Variants in ZNF804B observed in about 807,000 individuals in gnomAD.
ZNF804B encodes zinc finger 804B.
Under a neutral mutation model 101.4 loss-of-function variants are expected in ZNF804B, and 80 were observed. The observed-to-expected ratio is 0.79, with a 90% CI of 0.66 to 0.95. ZNF804B has a LOEUF of 0.95. ZNF804B is among the 40% of genes least tolerant of loss of function. The pLI, the probability that ZNF804B is intolerant of heterozygous loss-of-function variation, is 0.00. For missense variants in ZNF804B, 1,673 were observed against 1,561.9 expected, an observed-to-expected ratio of 1.07 and a Z score of -1.20; for synonymous variants, 622 against 558.8, an observed-to-expected ratio of 1.11 and a Z score of -1.59.
At chr7:88,990,117 C>CTA (rs1793823752) in intron 1 of ZNF804B, among the ~76,000 whole-genome samples, 1 of 151,632 alleles carries the variant, frequency 6.6e-6, no homozygotes, top group South Asian at 2.1e-4. Context: ...TAGGATGATA[C>CTA]TATGTATATA....
At chr7:89,196,259 A>G (rs1397023267) in intron 1 of ZNF804B, among the ~76,000 whole-genome samples, 2 of 151,886 alleles carry the variant, frequency 1.3e-5, no homozygotes, top group East Asian at 3.9e-4. Flanking sequence ...CACACACTTA[A>G]AACCATCTGA....
intron 1 of ZNF804B, among the ~76,000 whole-genome samples, chr7:89,178,492 T>A (rs750410510): frequency 9.9e-5 from 15 of 152,284 alleles, no homozygotes; most frequent in South Asian, 2.1e-4. Flanking sequence ...CATTTTAAAC[T>A]GATGGTGACA....
intron 1 of ZNF804B, among the ~76,000 whole-genome samples, chr7:88,930,988 G>A (rs887976217): frequency 6.6e-6 from 1 of 151,730 alleles, no homozygotes; most frequent in Non-Finnish European, 1.5e-5. Context: ...TCTCTTTTTG[G>A]TCAGTAGCTT....
intron 1 of ZNF804B, among the ~76,000 whole-genome samples, chr7:89,213,189 G>A (rs933644791): frequency 6.6e-6 from 1 of 152,112 alleles, no homozygotes; most frequent in Non-Finnish European, 1.5e-5. Flanking sequence ...TATCCAAGCT[G>A]TTACAGAGAT....
intron 2 of ZNF804B, among the ~76,000 whole-genome samples, chr7:89,278,916 C>A: frequency 6.6e-6 from 1 of 151,988 alleles, no homozygotes; most frequent in Admixed American, 6.6e-5. Context: ...ATGGGGATGG[C>A]ATTGAATCTG....
chr7:88,916,694 G>C (rs1162084760), intron 1 of ZNF804B, among the ~76,000 whole-genome samples: 1 of 151,954 alleles, frequency 6.6e-6, no homozygotes, highest in Non-Finnish European at 1.5e-5. Context: ...CTGTCATATG[G>C]CATTGAAATA....
At chr7:89,159,541 G>C (rs1472799222) in intron 1 of ZNF804B, among the ~76,000 whole-genome samples, 1 of 152,128 alleles carries the variant, frequency 6.6e-6, no homozygotes, top group African/African-American at 2.4e-5. Context: ...GATGGTGAAG[G>C]TAAAGCATGG....
At chr7:89,192,682 T>C (rs2115618594) in intron 1 of ZNF804B, among the ~76,000 whole-genome samples, 1 of 151,962 alleles carries the variant, frequency 6.6e-6, no homozygotes, top group South Asian at 2.1e-4. Context: ...ACACCATACC[T>C]AGCAGGGACA....
intron 1 of ZNF804B, among the ~76,000 whole-genome samples, chr7:89,007,734 A>G (rs2116186099): frequency 6.6e-6 from 1 of 150,502 alleles, no homozygotes. Context: ...AGGCAAAATC[A>G]TGACTCATGA....
chr7:88,835,314 C>T (rs1389230700), intron 1 of ZNF804B, among the ~76,000 whole-genome samples: 1 of 151,698 alleles, frequency 6.6e-6, no homozygotes, highest in Non-Finnish European at 1.5e-5. Context: ...CCTGATTGCC[C>T]CCTTGTGTCG....
chr7:88,931,348 T>C (rs566886811), intron 1 of ZNF804B, among the ~76,000 whole-genome samples: 1 of 152,018 alleles, frequency 6.6e-6, no homozygotes, highest in Admixed American at 6.6e-5. Flanking sequence ...TATGCATCTG[T>C]CTGTAAAATT....
chr7:89,100,168 A>G (rs941952577), intron 1 of ZNF804B, among the ~76,000 whole-genome samples: 4 of 152,202 alleles, frequency 2.6e-5, no homozygotes, highest in African/African-American at 9.6e-5. Flanking sequence ...ATACATCTAC[A>G]GTGAACTCAT....
intron 1 of ZNF804B, among the ~76,000 whole-genome samples, chr7:89,115,832 C>G (rs1790302323): frequency 1.3e-5 from 2 of 151,800 alleles, no homozygotes; most frequent in African/African-American, 2.4e-5. Flanking sequence ...AAGATTTTGC[C>G]TCTTTAAAGT....
At chr7:88,947,763 C>T (rs187220159) in intron 1 of ZNF804B, among the ~76,000 whole-genome samples, 10 of 151,840 alleles carry the variant, frequency 6.6e-5, no homozygotes, top group South Asian at 2.1e-4. Flanking sequence ...ATTCAAAAAT[C>T]CAAAAGAAAT....
intron 1 of ZNF804B, among the ~76,000 whole-genome samples, chr7:88,864,102 T>A (rs1791690012): frequency 6.6e-6 from 1 of 152,216 alleles, no homozygotes; most frequent in African/African-American, 2.4e-5. Flanking sequence ...CTTTTTGTAA[T>A]TCAATGCTAC....
At chr7:89,131,522 T>C (rs1486369183) in intron 1 of ZNF804B, among the ~76,000 whole-genome samples, 6 of 152,040 alleles carry the variant, frequency 3.9e-5, no homozygotes, top group South Asian at 2.1e-4. Flanking sequence ...TAGCCACATT[T>C]GAAGGCTATA....
At chr7:89,100,080 T>A (rs1790031610) in intron 1 of ZNF804B, among the ~76,000 whole-genome samples, 1 of 152,084 alleles carries the variant, frequency 6.6e-6, no homozygotes, top group Admixed American at 6.6e-5. Context: ...TTATTGACAG[T>A]TTTTCCCTTG....
At chr7:89,280,685 C>G (rs1054212320) in intron 2 of ZNF804B, among the ~76,000 whole-genome samples, 1 of 152,178 alleles carries the variant, frequency 6.6e-6, no homozygotes, top group South Asian at 2.1e-4. Context: ...GACACATACA[C>G]TCTCCCAAGA....
rs1025199163 is a variant in ZNF804B at position 89,103,075 on chromosome 7, T to G, written c.109-115080T>G. Among the ~76,000 whole-genome samples the G allele has an allele frequency of 2.6e-3, 348 of 136,278 alleles. 3 individuals are homozygous for G. Among genetic ancestry groups the G allele is most frequent in the Middle Eastern group, 7.2e-3 (2 of 276 alleles). 89.4% of individuals were successfully genotyped at this position (136,278 alleles called of 152,430 possible). On this transcript the variant is annotated intron_variant, in intron 1 of 3. Coordinates refer to ENST00000333190, the MANE Select transcript of ZNF804B (RefSeq NM_181646.5). The stretch of plus-strand genomic sequence containing the variant: ...TTTTTTTTTTTTTTTTTTTTTTTTT[T>G]TTTTTTTTACCAATACTGTGGTGTT...
Sources: allele counts gnomAD v4.1 joint callset (sites outside exome capture counted in the v4.1 genomes callset), GRCh38; gene constraint gnomAD v4.1.1; transcripts MANE v1.5; gene names NCBI Gene and HGNC (gene_info 2026-07-23, HGNC 2026-07-21).